The following SUDS3 variants were observed in gnomAD, a reference collection of about 807,000 sequenced individuals.
SUDS3 encodes sin3 histone deacetylase corepressor complex component SDS3.
Under a neutral mutation model 53.5 loss-of-function variants are expected in SUDS3, and 23 were observed. The observed-to-expected ratio is 0.43, with a 90% CI of 0.31 to 0.61. The LOEUF is 0.61. SUDS3 is among the 20% of genes least tolerant of loss of function. The pLI, the probability that SUDS3 is intolerant of heterozygous loss-of-function variation, is 0.10. For synonymous variants in SUDS3, 150 were observed against 148.5 expected (o/e 1.01, Z -0.08); for missense variants, 291 against 405.9 (o/e 0.72, Z 2.43).
At chr12:118,389,117 C>T (rs959973916) in intron 4 of SUDS3, among the ~76,000 whole-genome samples, 1 of 152,074 alleles carries the variant, frequency 6.6e-6, no homozygotes, top group African/African-American at 2.4e-5. Context: ...CCACTGCACT[C>T]CAGTCTGGGT....
chr12:118,390,044 G>C, intron 5 of SUDS3, 98 bp downstream of exon 5: 1 of 1,446,448 alleles, frequency 6.9e-7, no homozygotes, highest in Non-Finnish European at 9.7e-7. Flanking sequence ...CAAGTAGATA[G>C]TTTGGAAGCC....
intron 8 of SUDS3, 55 bp downstream of exon 8, chr12:118,401,875 A>G (rs375160754): frequency 6.2e-6 from 10 of 1,605,202 alleles, no homozygotes; most frequent in Non-Finnish European, 8.5e-6. Context: ...TGGTTTTCTG[A>G]TTTTGTTTGT....
chr12:118,406,272 A>G (rs1380758558), intron 10 of SUDS3, among the ~76,000 whole-genome samples: 1 of 152,180 alleles, frequency 6.6e-6, no homozygotes, highest in Non-Finnish European at 1.5e-5. Flanking sequence ...CTTGCTCAAG[A>G]GCATTTTCCC....
intron 11 of SUDS3, among the ~76,000 whole-genome samples, chr12:118,411,962 A>G (rs1219048473): frequency 6.6e-6 from 1 of 152,218 alleles, no homozygotes; most frequent in Non-Finnish European, 1.5e-5. Context: ...TCTAGCACCC[A>G]GTAAGTGCTC....
intron 1 of SUDS3, among the ~76,000 whole-genome samples, chr12:118,378,110 T>G (rs762096588): frequency 7.4e-5 from 11 of 148,924 alleles, no homozygotes; most frequent in South Asian, 2.1e-4. Flanking sequence ...CAAAATTGAG[T>G]TTTTTTTTCC....
chr12:118,376,884 G>C, intron 1 of SUDS3, 51 bp downstream of exon 1: 5 of 1,470,362 alleles, frequency 3.4e-6, no homozygotes, highest in Non-Finnish European at 4.5e-6. Context: ...GGACCGCTGG[G>C]GGAGGGGGTG....
chr12:118,400,795 A>G, intron 7 of SUDS3, 41 bp downstream of exon 7: 1 of 1,570,732 alleles, frequency 6.4e-7, no homozygotes, highest in Non-Finnish European at 8.8e-7. Flanking sequence ...TTCTTTTTTA[A>G]GACTGTGGAA....
At chr12:118,394,709 A>G (rs1446600582) in intron 6 of SUDS3, among the ~76,000 whole-genome samples, 4 of 152,176 alleles carry the variant, frequency 2.6e-5, no homozygotes, top group African/African-American at 9.7e-5. Context: ...ATTTAAAGAC[A>G]GGGTCTCACT....
chr12:118,378,482 CTTT>C (rs199742125), intron 1 of SUDS3, among the ~76,000 whole-genome samples: 4 of 137,012 alleles, frequency 2.9e-5, no homozygotes, highest in Non-Finnish European at 3.2e-5. Context: ...TGTAAGTAAT[CTTT>C]TTTTTTTTTT....
chr12:118,393,739 C>T (rs1593765304), intron 6 of SUDS3, among the ~76,000 whole-genome samples: 1 of 151,730 alleles, frequency 6.6e-6, no homozygotes, highest in African/African-American at 2.4e-5. Flanking sequence ...GGCGCAGTCT[C>T]GGCTCACTGC....
At chr12:118,406,951 C>A (rs1425654470) in intron 10 of SUDS3, among the ~76,000 whole-genome samples, 1 of 151,138 alleles carries the variant, frequency 6.6e-6, no homozygotes, top group African/African-American at 2.4e-5. Context: ...GGCTGGCATG[C>A]AGTGGTGTGA....
intron 10 of SUDS3, among the ~76,000 whole-genome samples, chr12:118,406,690 A>G (rs1194692587): frequency 1.4e-5 from 2 of 145,764 alleles, no homozygotes; most frequent in African/African-American, 5.0e-5. Flanking sequence ...GCAGCTTGTA[A>G]AACAGGTTAA....
intron 10 of SUDS3, among the ~76,000 whole-genome samples, chr12:118,408,883 T>G (rs890473290): frequency 6.6e-6 from 1 of 152,184 alleles, no homozygotes; most frequent in Admixed American, 6.5e-5. Context: ...GTGAGTATTC[T>G]CCCTCTGTAT....
chr12:118,385,308 C>T (rs193152121), intron 3 of SUDS3, among the ~76,000 whole-genome samples: 29 of 152,206 alleles, frequency 1.9e-4, no homozygotes, highest in African/African-American at 6.7e-4. Flanking sequence ...GGGGTTTCAC[C>T]ACATTGGCCA....
intron 10 of SUDS3, among the ~76,000 whole-genome samples, chr12:118,408,404 GC>G (rs958427424): frequency 6.6e-6 from 1 of 150,888 alleles, no homozygotes; most frequent in African/African-American, 2.4e-5. Flanking sequence ...CATGATCTCA[GC>G]CCACTGCAGT....
chr12:118,403,353 C>G, intron 9 of SUDS3, 59 bp from the exon 10 acceptor site: 1 of 1,295,360 alleles, frequency 7.7e-7, no homozygotes, highest in Non-Finnish European at 1.1e-6. Context: ...AGCATGTTAA[C>G]TGGTAGACTC....
intron 6 of SUDS3, among the ~76,000 whole-genome samples, chr12:118,394,258 T>C (rs1203849773): frequency 1.3e-5 from 2 of 152,168 alleles, no homozygotes; most frequent in Admixed American, 1.3e-4. Flanking sequence ...ATAATGCCTA[T>C]AAGTTGCTTC....
chr12:118,401,985 T>A lies in SUDS3; in HGVS notation c.678T>A (p.Leu226=). The change falls in exon 9 of 12, where the codon CTT becomes CTA. Residue 226 remains leucine (L), a splice_region_variant and synonymous_variant. Transcript: ENST00000543473. ...TTTTGTTGTTGTTCTTCCTACAGCT[T>A]AAGTCACCCAAGAGACCAGGTGAGT... ...IMEDLRTLNK[L]KSPKRPASPS... 6.2e-7 allele frequency: 1 copy of A among 1,614,014 alleles called. No homozygotes were observed. Among genetic ancestry groups the A allele is most frequent in the South Asian group, 1.1e-5 (1 of 91,080 alleles).
At position 118,417,613 on chromosome 12, in the gene SUDS3, A is replaced by G. The variant is rs1766821743; in HGVS notation, c.*3180A>G. 1 of 151,698 alleles carries G rather than the reference A, an allele frequency of 6.6e-6. No homozygotes were observed. The highest frequency in any genetic ancestry group is 2.4e-5 in the African/African-American group (1 of 41,254). 9.4% of individuals were successfully genotyped at this position (151,698 alleles called of 1,614,324 possible). On this transcript the variant is annotated 3_prime_UTR_variant, in exon 12 of 12. Coordinates refer to ENST00000543473, the MANE Select transcript of SUDS3 (RefSeq NM_022491.3). ...TTCAAGCAGGTGATGGTCTTTTTTT[A>G]TAACATCGTTAACGGGTACCATTAA...
Sources: gnomAD v4.1 joint callset for allele counts (sites outside exome capture counted in the v4.1 genomes callset) on GRCh38, gnomAD v4.1.1 for gene constraint, MANE v1.5 for transcripts, NCBI Gene and HGNC (gene_info 2026-07-23, HGNC 2026-07-21) for gene names.